The following VPS37A variants were observed in gnomAD, a reference collection of about 807,000 sequenced individuals.
The protein encoded by VPS37A is vacuolar protein sorting-associated protein 37A.
Under a neutral mutation model 49.8 loss-of-function variants are expected in VPS37A, and 30 were observed. The ratio of observed to expected loss-of-function variants is 0.60; its 90% CI spans 0.45 to 0.82. VPS37A has a LOEUF of 0.82. Ranked by LOEUF, VPS37A falls within the 40% of genes least tolerant of loss-of-function variation. The pLI, the probability that VPS37A is intolerant of heterozygous loss-of-function variation, is 0.00. For missense variants in VPS37A, 593 were observed against 464.4 expected, an observed-to-expected ratio of 1.28 and a Z score of -2.55; for synonymous variants, 195 against 160.6, an observed-to-expected ratio of 1.21 and a Z score of -1.62.
chr8:17,254,695 A>G (rs1812280044), intron 1 of VPS37A, among the ~76,000 whole-genome samples: 1 of 151,920 alleles, frequency 6.6e-6, no homozygotes, highest in East Asian at 1.9e-4. Context: ...AGTTTGCTCA[A>G]AATTTATCTG....
downstream of VPS37A, among the ~76,000 whole-genome samples, chr8:17,307,111 A>T (rs542273402): frequency 1.3e-5 from 2 of 152,156 alleles, no homozygotes; most frequent in African/African-American, 4.8e-5. Context: ...CAACCTACAA[A>T]ATGGGAGAAA....
intron 11 of VPS37A, among the ~76,000 whole-genome samples, chr8:17,287,049 C>G (rs1179522511): frequency 6.6e-6 from 1 of 152,144 alleles, no homozygotes; most frequent in Non-Finnish European, 1.5e-5. Flanking sequence ...GCATTTTCCC[C>G]TTACATTGCG....
chr8:17,321,036 A>G, the VPS37A span, among the ~76,000 whole-genome samples: 1 of 151,888 alleles, frequency 6.6e-6, no homozygotes, highest in African/African-American at 2.4e-5. Flanking sequence ...TCCAGTTGTT[A>G]TTATAGGGCT....
downstream of VPS37A, chr8:17,300,188 T>C (rs752956696): frequency 7.4e-6 from 12 of 1,613,462 alleles, no homozygotes; most frequent in Non-Finnish European, 9.3e-6. Flanking sequence ...TTCACCTTAG[T>C]GCAATTTAAC....
intron 1 of VPS37A, among the ~76,000 whole-genome samples, chr8:17,255,300 G>T (rs1563239566): frequency 6.6e-6 from 1 of 152,072 alleles, no homozygotes; most frequent in Non-Finnish European, 1.5e-5. Context: ...GGCCAACATG[G>T]TGAAACCCTG....
the VPS37A span, among the ~76,000 whole-genome samples, chr8:17,318,743 C>T: frequency 6.6e-6 from 1 of 152,152 alleles, no homozygotes; most frequent in Non-Finnish European, 1.5e-5. Flanking sequence ...TGTCCCTGCC[C>T]ACTCCAATCT....
At chr8:17,306,933 A>C (rs1439394103), downstream of VPS37A, among the ~76,000 whole-genome samples, 1 of 145,742 alleles carries the variant, frequency 6.9e-6, no homozygotes, top group African/African-American at 2.6e-5. Context: ...ACTATAAAAA[A>C]CCCTAGAAGA....
At chr8:17,258,928 A>G (rs960831094) in intron 1 of VPS37A, among the ~76,000 whole-genome samples, 4 of 152,058 alleles carry the variant, frequency 2.6e-5, no homozygotes, top group African/African-American at 7.2e-5. Context: ...ATGATTCTTT[A>G]TAGTTCTGTG....
chr8:17,250,293 G>C (rs1015192614), intron 1 of VPS37A, among the ~76,000 whole-genome samples: 1 of 152,104 alleles, frequency 6.6e-6, no homozygotes, highest in African/African-American at 2.4e-5. Context: ...ATTGTTTTCT[G>C]AGCCCCAATA....
chr8:17,304,838 A>G (rs956089715), downstream of VPS37A, among the ~76,000 whole-genome samples: 7 of 151,666 alleles, frequency 4.6e-5, no homozygotes, highest in African/African-American at 1.7e-4. Flanking sequence ...GTCACACACT[A>G]TTCTAAATGT....
At chr8:17,266,290 AG>A in intron 2 of VPS37A, among the ~76,000 whole-genome samples, 1 of 152,318 alleles carries the variant, frequency 6.6e-6, no homozygotes, top group East Asian at 1.9e-4. Flanking sequence ...TAAAAAACAA[AG>A]GGGTTATATA....
chr8:17,308,313 A>G, the VPS37A span, among the ~76,000 whole-genome samples: 1 of 152,146 alleles, frequency 6.6e-6, no homozygotes, highest in Non-Finnish European at 1.5e-5. Context: ...TGTAATATTA[A>G]TAGAACCCCA....
chr8:17,261,556 C>T (rs933606414), intron 1 of VPS37A, among the ~76,000 whole-genome samples: 11 of 152,132 alleles, frequency 7.2e-5, no homozygotes, highest in Non-Finnish European at 8.8e-5. Flanking sequence ...TTTACTTTGA[C>T]GAATTAGTTA....
At chr8:17,302,006 C>A, downstream of VPS37A, 1 of 1,037,378 alleles carries the variant, frequency 9.6e-7, no homozygotes, top group African/African-American at 1.6e-5. Flanking sequence ...TATCTGAGTC[C>A]TGACCTGGAT....
downstream of VPS37A, chr8:17,302,485 GTT>G: frequency 2.0e-6 from 1 of 495,004 alleles, no homozygotes. Flanking sequence ...GGGAGAATAA[GTT>G]TATGAAAAGT....
chr8:17,283,525 G>T (rs377714431), intron 9 of VPS37A, among the ~76,000 whole-genome samples: 1 of 152,150 alleles, frequency 6.6e-6, no homozygotes, highest in Admixed American at 6.5e-5. Context: ...AATCAATTTT[G>T]TATTTAAGTA....
chr8:17,317,632 G>A, the VPS37A span, among the ~76,000 whole-genome samples: 1 of 152,190 alleles, frequency 6.6e-6, no homozygotes, highest in Non-Finnish European at 1.5e-5. Context: ...ACTAGGCAGT[G>A]CAGGGGAGGA....
At chr8:17,281,463 C>T (rs993396167) in intron 9 of VPS37A, among the ~76,000 whole-genome samples, 3 of 151,970 alleles carry the variant, frequency 2.0e-5, no homozygotes, top group Non-Finnish European at 4.4e-5. Context: ...CAACATCATT[C>T]TTTATACAAA....
chr8:17,265,236 T>C (rs939398768), intron 1 of VPS37A, among the ~76,000 whole-genome samples: 1 of 152,186 alleles, frequency 6.6e-6, no homozygotes, highest in African/African-American at 2.4e-5. Flanking sequence ...AAGGGCAAAA[T>C]GGGCTCATAT....
Sources: allele counts gnomAD v4.1 joint callset (sites outside exome capture counted in the v4.1 genomes callset), GRCh38; gene constraint gnomAD v4.1.1; transcripts MANE v1.5; gene names NCBI Gene and HGNC (gene_info 2026-07-23, HGNC 2026-07-21).